TENT4B: variants seen among roughly 807,000 people sequenced by gnomAD.
The protein encoded by TENT4B is PAP associated domain containing 5.
A neutral mutation model predicts 75.0 loss-of-function variants in TENT4B; 10 were observed. That is an observed-to-expected ratio of 0.13 (90% CI 0.08 to 0.23). The LOEUF (loss-of-function observed/expected upper bound fraction) is 0.23, where lower values mean the gene tolerates loss of function less well. Ranked by LOEUF, TENT4B falls within the 10% of genes least tolerant of loss-of-function variation. The probability of loss-of-function intolerance (pLI) is 1.00; values close to 1 mark genes in which losing one functional copy is unlikely to be tolerated. For missense variants in TENT4B, 579 were observed against 893.8 expected (o/e 0.65, Z 4.49); for synonymous variants, 350 against 357.7 (o/e 0.98, Z 0.24).
chr16:50,224,840 T>A lies in TENT4B; in HGVS notation c.1509-51T>A. On this transcript the variant is annotated intron_variant, in intron 8 of 11. Transcript: ENST00000561678. ...TCAAAATTAGTTGTGGCTTCTTATC[T>A]TCAAATTAATGTTATTCCCTCCCTC... 7 of 1,612,112 alleles carry A rather than the reference T, an allele frequency of 4.3e-6. No homozygotes were observed. The South Asian group carries it at 7.7e-5, about 18-fold the overall frequency.
intron 5 of TENT4B, among the ~76,000 whole-genome samples, chr16:50,221,429 A>T (rs1172982198): frequency 6.6e-6 from 1 of 152,034 alleles, no homozygotes; most frequent in Non-Finnish European, 1.5e-5. Flanking sequence ...ATACTTGCCC[A>T]CTCAGGTGTT....
intron 1 of TENT4B, among the ~76,000 whole-genome samples, chr16:50,210,683 T>G (rs2031233212): frequency 1.3e-5 from 2 of 152,210 alleles, no homozygotes; most frequent in African/African-American, 4.8e-5. Context: ...GGGGGAAAGC[T>G]TGAACCTCTT....
At chr16:50,182,295 A>G (rs1427114535) in intron 1 of TENT4B, among the ~76,000 whole-genome samples, 1 of 152,164 alleles carries the variant, frequency 6.6e-6, no homozygotes, top group Non-Finnish European at 1.5e-5. Context: ...GAGAAAACTT[A>G]ATTTGATGTG....
intron 1 of TENT4B, among the ~76,000 whole-genome samples, chr16:50,195,431 C>T (rs910352897): frequency 1.3e-5 from 2 of 151,902 alleles, no homozygotes; most frequent in Non-Finnish European, 2.9e-5. Flanking sequence ...CTGTGTTAAG[C>T]GGAATGAAAA....
At chr16:50,156,502 G>A (rs748438950) in intron 1 of TENT4B, among the ~76,000 whole-genome samples, 10 of 151,848 alleles carry the variant, frequency 6.6e-5, no homozygotes, top group African/African-American at 1.5e-4. Context: ...TTGCCACCAC[G>A]CCTGGCTAAT....
At chr16:50,153,234 G>A (rs1465898088), upstream of TENT4B, among the ~76,000 whole-genome samples, 23 of 135,128 alleles carry the variant, frequency 1.7e-4, no homozygotes, top group East Asian at 1.6e-3. Context: ...GCCCCGCCCC[G>A]GGGCCGGAGG....
At chr16:50,215,298 T>C (rs915160576) in intron 3 of TENT4B, among the ~76,000 whole-genome samples, 1 of 152,216 alleles carries the variant, frequency 6.6e-6, no homozygotes, top group African/African-American at 2.4e-5. Flanking sequence ...TGGTATACTT[T>C]ACCCCAACTT....
At chr16:50,174,258 T>C (rs2150686601) in intron 1 of TENT4B, among the ~76,000 whole-genome samples, 1 of 151,900 alleles carries the variant, frequency 6.6e-6, no homozygotes, top group East Asian at 1.9e-4. Context: ...CCACTGCACC[T>C]GGCTAATTTT....
At chr16:50,164,159 AAAAAAAT>A (rs981498997) in intron 1 of TENT4B, among the ~76,000 whole-genome samples, 54 of 152,146 alleles carry the variant, frequency 3.5e-4, no homozygotes, top group Non-Finnish European at 5.6e-4. Context: ...CTTCATCTCA[AAAAAAAT>A]AAAAAATAAA....
intron 1 of TENT4B, among the ~76,000 whole-genome samples, chr16:50,208,474 C>A (rs893661798): frequency 3.3e-5 from 5 of 152,104 alleles, no homozygotes; most frequent in African/African-American, 1.2e-4. Context: ...CTGGTAGTAA[C>A]AGGAACCTTA....
At chr16:50,194,123 A>AT (rs1165681238) in intron 1 of TENT4B, among the ~76,000 whole-genome samples, 1 of 150,146 alleles carries the variant, frequency 6.7e-6, no homozygotes, top group East Asian at 1.9e-4. Context: ...TTCCTATTTC[A>AT]TTTTGATTAT....
Position 50,224,932 on chromosome 16 carries a change from C to T in TENT4B, c.1550C>T (p.Thr517Ile), listed in dbSNP as rs375463784. ...RIIRVTDEVA[T>I]YRDWISKQWG... ...ATTAGAGTAACAGATGAAGTTGCCA[C>T]ATATAGAGATTGGATATCAAAGCAG... is the stretch of plus-strand genomic sequence containing the variant. The change falls in exon 9 of 12, where the codon ACA becomes ATA. Residue 517 changes from threonine to isoleucine, a missense_variant. Thr to Ile is a moderately conservative substitution (Grantham distance 89). Coordinates refer to ENST00000561678, the MANE Select transcript of TENT4B (RefSeq NM_001365324.3). 1.2e-6 allele frequency: 2 copies of T among 1,613,850 alleles called. No homozygotes were observed. Among genetic ancestry groups the T allele is most frequent in the East Asian group, 2.2e-5 (1 of 44,872 alleles).
At chr16:50,214,515 G>A (rs1271062120) in intron 3 of TENT4B, among the ~76,000 whole-genome samples, 1 of 152,080 alleles carries the variant, frequency 6.6e-6, no homozygotes, top group African/African-American at 2.4e-5. Flanking sequence ...AATTAGCCAG[G>A]CGTAGCAGTG....
intron 5 of TENT4B, among the ~76,000 whole-genome samples, chr16:50,221,871 C>G (rs2031844568): frequency 1.3e-5 from 2 of 151,898 alleles, no homozygotes; most frequent in South Asian, 2.1e-4. Context: ...TCAAGTGATT[C>G]TCCTGCCTCA....
At chr16:50,160,445 A>T (rs569624844) in intron 1 of TENT4B, among the ~76,000 whole-genome samples, 20 of 152,314 alleles carry the variant, frequency 1.3e-4, no homozygotes, top group African/African-American at 4.8e-4. Context: ...GAAAGATAGG[A>T]TGGGAAAGGG....
rs746193547 is a variant in TENT4B at position 50,230,421 on chromosome 16, C to T, written c.*1093C>T. On this transcript the variant is annotated 3_prime_UTR_variant, in exon 12 of 12. Transcript: ENST00000561678. ...CTGTGTGCTGCGTGTGCCTGTTTCT[C>T]ATCTCTTATTCTTTTTAAAATTCAT... 4 of 985,668 alleles carry T rather than the reference C, an allele frequency of 4.1e-6. No individual in the cohort carries two copies. The highest frequency in any genetic ancestry group is 4.8e-6 in the Non-Finnish European group (4 of 829,896). 61.1% of individuals were successfully genotyped at this position (985,668 alleles called of 1,614,324 possible).
At chr16:50,153,111 G>A (rs2150653759), upstream of TENT4B, 3 of 1,212,358 alleles carry the variant, frequency 2.5e-6, no homozygotes, top group East Asian at 3.6e-5. Flanking sequence ...CGGCCTCTGT[G>A]ACGCACGGCG....
At chr16:50,220,984 G>GA (rs201268762) in intron 5 of TENT4B, among the ~76,000 whole-genome samples, 22 of 150,348 alleles carry the variant, frequency 1.5e-4, no homozygotes, top group Admixed American at 4.0e-4. Flanking sequence ...TAAGAGTAAA[G>GA]AAAAAAAAAT....
At chr16:50,164,484 T>C (rs1394420346) in intron 1 of TENT4B, among the ~76,000 whole-genome samples, 11 of 151,878 alleles carry the variant, frequency 7.2e-5, no homozygotes, top group Admixed American at 7.2e-4. Flanking sequence ...AATTTTTGTA[T>C]TTTTAGTGGA....
Sources: allele counts gnomAD v4.1 joint callset (sites outside exome capture counted in the v4.1 genomes callset), GRCh38; gene constraint gnomAD v4.1.1; transcripts MANE v1.5; gene names NCBI Gene and HGNC (gene_info 2026-07-23, HGNC 2026-07-21).